The following PRKDC variants were observed in gnomAD, a reference collection of about 807,000 sequenced individuals.
PRKDC encodes DNA-dependent protein kinase catalytic subunit.
A neutral mutation model predicts 486.9 loss-of-function variants in PRKDC; 82 were observed. The observed-to-expected ratio is 0.17, with a 90% confidence interval of 0.14 to 0.20. The LOEUF is 0.20. PRKDC is among the 10% of genes least tolerant of loss of function. The pLI is 1.00. For missense variants in PRKDC, 4,504 were observed against 5,038.2 expected (o/e 0.89, Z 3.21); for synonymous variants, 1,895 against 1,837.0 (o/e 1.03, Z -0.81).
intron 5 of PRKDC, 75 bp from the exon 6 acceptor site, chr8:47,953,994 G>GAAAAT (rs777990252): frequency 3.8e-6 from 3 of 781,258 alleles, no homozygotes; most frequent in African/African-American, 1.8e-5. Flanking sequence ...AATGTATGAA[G>GAAAAT]AAAATAAAAT....
At chr8:47,937,018 C>G (rs2090364127) in intron 11 of PRKDC, among the ~76,000 whole-genome samples, 1 of 150,780 alleles carries the variant, frequency 6.6e-6, no homozygotes, top group African/African-American at 2.4e-5. Context: ...CTTTGGGAGG[C>G]CGAGGCGGGC....
chr8:47,840,516 A>G (rs2088115327), intron 54 of PRKDC, among the ~76,000 whole-genome samples: 1 of 152,168 alleles, frequency 6.6e-6, no homozygotes, highest in African/African-American at 2.4e-5. Flanking sequence ...AGATTATGTA[A>G]GGGGGAAAGT....
chr8:47,779,599 T>C (rs1392587415), intron 80 of PRKDC, among the ~76,000 whole-genome samples: 2 of 152,216 alleles, frequency 1.3e-5, no homozygotes, highest in African/African-American at 4.8e-5. Context: ...CTTTTTCTTT[T>C]GTTTTTTTGA....
chr8:47,900,522 CAAAGA>C, intron 27 of PRKDC, 55 bp from the exon 28 acceptor site: 1 of 1,438,782 alleles, frequency 7.0e-7, no homozygotes, highest in Non-Finnish European at 9.5e-7. Context: ...GCAGAAAGGA[CAAAGA>C]AAAGAAGGAA....
chr8:47,790,388 T>C (rs1053940103), intron 74 of PRKDC, among the ~76,000 whole-genome samples: 1 of 152,186 alleles, frequency 6.6e-6, no homozygotes, highest in Admixed American at 6.5e-5. Flanking sequence ...CTGTAAAACA[T>C]GGATGAAAGA....
chr8:47,845,062 A>G (rs907823950), intron 54 of PRKDC, among the ~76,000 whole-genome samples: 1 of 152,154 alleles, frequency 6.6e-6, no homozygotes, highest in South Asian at 2.1e-4. Context: ...TTAAAATACA[A>G]AAAAATTAGC....
intron 66 of PRKDC, among the ~76,000 whole-genome samples, 171 bp from the exon 67 acceptor site, chr8:47,819,681 T>C (rs1240787422): frequency 3.9e-5 from 6 of 152,146 alleles, no homozygotes; most frequent in Non-Finnish European, 8.8e-5. Context: ...ACAAATAGTT[T>C]AAATTTTAAA....
chr8:47,811,028 G>C (rs1177534334), intron 68 of PRKDC, among the ~76,000 whole-genome samples: 1 of 152,174 alleles, frequency 6.6e-6, no homozygotes, highest in African/African-American at 2.4e-5. Context: ...GAAACACAAT[G>C]ACTGAAAACT....
chr8:47,837,248 G>A lies in PRKDC; in HGVS notation c.7725C>T (p.Pro2575=). ...ATTCTGACAGAGGATGCTCGAACAT[G>A]GGGTTTGGATAATCTGGGCTCATGC... ...MTSMSPDYPN[P]MFEHPLSECE... The change falls in exon 57 of 86, where the codon CCC becomes CCT. Residue 2575 remains proline (P), a synonymous_variant. Coordinates refer to ENST00000314191, the MANE Select transcript of PRKDC (RefSeq NM_006904.7). 1 of 1,613,914 alleles carries A rather than the reference G, an allele frequency of 6.2e-7. No homozygotes were observed.
At chr8:47,884,704 T>C (rs1014045433) in intron 36 of PRKDC, among the ~76,000 whole-genome samples, 1 of 152,224 alleles carries the variant, frequency 6.6e-6, no homozygotes, top group South Asian at 2.1e-4. Context: ...AGAAAAGCAC[T>C]GTTTGCAATA....
At chr8:47,795,138 G>A (rs1288010660) in intron 73 of PRKDC, among the ~76,000 whole-genome samples, 8 of 150,896 alleles carry the variant, frequency 5.3e-5, no homozygotes, top group East Asian at 1.9e-4. Flanking sequence ...TGCCCACATC[G>A]GCCTCCCAAA....
intron 63 of PRKDC, among the ~76,000 whole-genome samples, chr8:47,824,539 C>T (rs1304115540): frequency 6.7e-6 from 1 of 148,298 alleles, no homozygotes; most frequent in Non-Finnish European, 1.5e-5. Context: ...TAAGATGTGT[C>T]ATTACATAAG....
At chr8:47,887,927 C>A (rs1486703614) in intron 34 of PRKDC, among the ~76,000 whole-genome samples, 3 of 152,194 alleles carry the variant, frequency 2.0e-5, no homozygotes, top group African/African-American at 7.2e-5. Context: ...ACAATCGTGG[C>A]TCACTGCATT....
At chr8:47,905,951 C>G (rs1230508955) in intron 25 of PRKDC, among the ~76,000 whole-genome samples, 1 of 152,106 alleles carries the variant, frequency 6.6e-6, no homozygotes, top group East Asian at 1.9e-4. Context: ...ACCTAGTGGC[C>G]TGGTGGAGGT....
rs754050185 is a variant in PRKDC, at chr8:47,830,698, C to T, written c.8304G>A (p.Gln2768=). ...KSELKMKQDA[Q]VVLYRSYRHG... is the part of the protein sequence containing the mutation. ...GCCGGTAGCTTCTGTACAGAACGAC[C>T]TGGGCATCCTGCTTCATTTTTAACT... is the stretch of plus-strand genomic sequence containing the variant. The change falls in exon 61 of 86, where the codon CAG becomes CAA. Residue 2768 remains glutamine (Q), a synonymous_variant. Transcript: ENST00000314191. The T allele has an allele frequency of 5.0e-6, 8 of 1,613,968 alleles. No individual in the cohort carries two copies. The highest frequency in any genetic ancestry group is 3.3e-4 in the Middle Eastern group (2 of 6,060).
intron 39 of PRKDC, among the ~76,000 whole-genome samples, chr8:47,878,827 ACT>A (rs1263273762): frequency 6.6e-6 from 1 of 152,110 alleles, no homozygotes; most frequent in Non-Finnish European, 1.5e-5. Context: ...ACAGAGCAAG[ACT>A]CTGTCTCAAA....
chr8:47,801,825 T>G (rs1468550496), intron 70 of PRKDC, among the ~76,000 whole-genome samples: 1 of 152,178 alleles, frequency 6.6e-6, no homozygotes, highest in Non-Finnish European at 1.5e-5. Flanking sequence ...CTAGGAGGCC[T>G]GATCAACCAC....
chr8:47,953,870 A>G lies in PRKDC; in HGVS notation c.558T>C (p.Pro186=). The change falls in exon 6 of 86, where the codon CCT becomes CCC. Residue 186 remains proline, a synonymous_variant. Transcript: ENST00000314191. ...ELLGLLGEVH[P]SEMINNAENL... is the part of the protein sequence containing the mutation. Reference sequence around the variant, plus strand: ...TTTCTGCATTATTTATCATCTCACTAGGATGAACTTCACCCAATAATCCTA... The same window carrying G: ...TTTCTGCATTATTTATCATCTCACTGGGATGAACTTCACCCAATAATCCTA... 1 of 1,566,476 alleles carries G rather than the reference A, an allele frequency of 6.4e-7. No homozygotes were observed. Among genetic ancestry groups the G allele is most frequent in the East Asian group, 2.3e-5 (1 of 43,296 alleles).
In PRKDC at chr8:47,787,276, G is replaced by A. The variant is rs183501085; in HGVS notation, c.10902+1630C>T. On this transcript the variant is annotated intron_variant, in intron 76 of 85. Transcript: ENST00000314191. Reference sequence around the variant, plus strand: ...AACATAAATCTGGTGTAAATCAAACGTGCTCTATTTTAAGACAATCCACTA... The same window carrying A: ...AACATAAATCTGGTGTAAATCAAACATGCTCTATTTTAAGACAATCCACTA... 1.1e-4 allele frequency among the ~76,000 whole-genome samples: 17 copies of A among 152,220 alleles called. No individual in the cohort carries two copies. The East Asian group carries it at 2.9e-3, about 26-fold the overall frequency.
Sources: allele counts gnomAD v4.1 joint callset (sites outside exome capture counted in the v4.1 genomes callset), GRCh38; gene constraint gnomAD v4.1.1; transcripts MANE v1.5; gene names NCBI Gene and HGNC (gene_info 2026-07-23, HGNC 2026-07-21).